RGS9: variants seen among roughly 807,000 people sequenced by gnomAD.
RGS9 encodes regulator of G protein signaling 9.
In RGS9, 78 loss-of-function variants were observed where a neutral mutation model predicts 102.0. The ratio of observed to expected loss-of-function variants is 0.76; its 90% CI spans 0.64 to 0.92. The LOEUF (loss-of-function observed/expected upper bound fraction) is 0.92, where lower values mean the gene tolerates loss of function less well. Ranked by LOEUF, RGS9 falls within the 40% of genes least tolerant of loss-of-function variation. The probability of loss-of-function intolerance (pLI) is 0.00; values close to 1 mark genes in which losing one functional copy is unlikely to be tolerated. For missense variants in RGS9, 833 were observed against 866.1 expected, an observed-to-expected ratio of 0.96 and a Z score of 0.48; for synonymous variants, 353 against 318.6, an observed-to-expected ratio of 1.11 and a Z score of -1.15.
chr17:65,184,984 C>T (rs1170016887), intron 9 of RGS9, among the ~76,000 whole-genome samples: 4 of 152,050 alleles, frequency 2.6e-5, no homozygotes, highest in Non-Finnish European at 5.9e-5. Context: ...ATCCTCTGTC[C>T]TCAGCCTCCA....
chr17:65,155,524 TTTTG>T lies in RGS9; in HGVS notation c.154+2018_154+2021del, dbSNP rs776232807. 1.1e-3 allele frequency among the ~76,000 whole-genome samples: 174 copies of T among 152,272 alleles called. 3 individuals are homozygous for T. The highest frequency in any genetic ancestry group is 9.3e-4 in the Non-Finnish European group (63 of 68,014). Reference sequence around the variant, plus strand: ...GGTCTCAGTTTACTTTCTCCATTGTTTTTGTTTGTTTGTTTTGTTTTGTTTGTTT... The same window carrying T: ...GGTCTCAGTTTACTTTCTCCATTGTTTTTGTTTGTTTTGTTTTGTTTGTTT... On this transcript the variant is annotated intron_variant, in intron 2 of 18. Coordinates refer to ENST00000262406, the MANE Select transcript of RGS9 (RefSeq NM_003835.4).
At chr17:65,225,751 T>C (rs1905641781) in intron 18 of RGS9, among the ~76,000 whole-genome samples, 1 of 152,238 alleles carries the variant, frequency 6.6e-6, no homozygotes, top group Non-Finnish European at 1.5e-5. Flanking sequence ...TCCCCTTATA[T>C]GTTCTTCCAC....
intron 9 of RGS9, among the ~76,000 whole-genome samples, chr17:65,181,737 C>T (rs891581106): frequency 6.6e-5 from 10 of 152,216 alleles, no homozygotes; most frequent in South Asian, 2.1e-4. Flanking sequence ...CTGCCACTTC[C>T]GGTCCATGTG....
intron 15 of RGS9, among the ~76,000 whole-genome samples, chr17:65,205,081 T>C (rs916273700): frequency 2.2e-4 from 34 of 152,162 alleles, no homozygotes; most frequent in African/African-American, 7.7e-4. Flanking sequence ...CTCTGGATTA[T>C]TAACAAAGTG....
chr17:65,177,135 A>T (rs1237680099), intron 8 of RGS9, among the ~76,000 whole-genome samples: 2 of 136,212 alleles, frequency 1.5e-5, no homozygotes, highest in East Asian at 4.7e-4. Flanking sequence ...GGTGCTGGGG[A>T]TGCCATTTAT....
In RGS9 at chr17:65,227,395, G is replaced by T. The variant is rs1905743227; in HGVS notation, c.2013G>T (p.Trp671Cys). Reference sequence around the variant, plus strand: ...CAGAAAAGGAGGTCATCTGCCCCTGGGAGAGCCTGTAAGGAAAGAGGCAGG... The same window carrying T: ...CAGAAAAGGAGGTCATCTGCCCCTGTGAGAGCCTGTAAGGAAAGAGGCAGG... Reference protein sequence around the residue: ...RATEKEVICPWESL With the variant: ...RATEKEVICPCESL Residue 671 changes from tryptophan to cysteine, a missense_variant, in exon 19 of 19, where the codon TGG (tryptophan) becomes TGT (cysteine). Trp to Cys is a radical substitution (Grantham distance 215, BLOSUM62 -2). Around this residue, in one of 3 missense-constraint regions of RGS9, gnomAD observed 320 missense variants for 276.8 expected, o/e 1.16. Coordinates refer to ENST00000262406, the MANE Select transcript of RGS9 (RefSeq NM_003835.4). 6.2e-7 allele frequency: 1 copy of T among 1,613,658 alleles called. No homozygotes were observed. The highest frequency in any genetic ancestry group is 1.3e-5 in the African/African-American group (1 of 74,924).
At chr17:65,140,016 G>T (rs421100) in intron 1 of RGS9, among the ~76,000 whole-genome samples, 130,080 of 152,000 alleles carry the variant, frequency 0.86, 58,512 homozygotes, top group Non-Finnish European at 0.99. Context: ...TGAAGTACAC[G>T]GTGTCCATGA....
intron 1 of RGS9, among the ~76,000 whole-genome samples, chr17:65,147,586 A>ATTTTTTT (rs1291313430): frequency 1.1e-5 from 1 of 94,902 alleles, no homozygotes; most frequent in African/African-American, 7.8e-5. Context: ...TCTTTTAAAA[A>ATTTTTTT]CTTTTTTTTT....
intron 1 of RGS9, among the ~76,000 whole-genome samples, chr17:65,140,376 G>A (rs1201486484): frequency 2.0e-5 from 3 of 152,198 alleles, no homozygotes; most frequent in Admixed American, 1.3e-4. Context: ...TACGCACAGA[G>A]GCATGGGAAA....
rs1381272807 is a variant in RGS9 at position 65,160,593 on chromosome 17, T to C, written c.364+6T>C. 2 of 1,614,078 alleles carry C rather than the reference T, an allele frequency of 1.2e-6. No individual in the cohort carries two copies. The highest frequency in any genetic ancestry group is 1.7e-5 in the Admixed American group (1 of 60,012). On this transcript the variant is annotated splice_donor_region_variant and intron_variant, in intron 5 of 18. Transcript: ENST00000262406. ...AGCTGAAGATACCGATTACGGTAAA[T>C]ACTTCAGCCCCAACTATGCCTTTGG...
chr17:65,152,630 A>G (rs1230032962), intron 1 of RGS9, among the ~76,000 whole-genome samples: 1 of 152,164 alleles, frequency 6.6e-6, no homozygotes, highest in African/African-American at 2.4e-5. Flanking sequence ...CCTGGGCTCA[A>G]GTGATCCTCC....
chr17:65,207,644 G>A (rs1281697149), intron 15 of RGS9, among the ~76,000 whole-genome samples: 6 of 152,158 alleles, frequency 3.9e-5, no homozygotes, highest in Non-Finnish European at 5.9e-5. Flanking sequence ...TGTAAAACCT[G>A]AGACTGTTCA....
intron 12 of RGS9, among the ~76,000 whole-genome samples, chr17:65,194,549 C>T (rs1243697163): frequency 1.3e-5 from 2 of 151,968 alleles, no homozygotes. Context: ...GCGGGCAGGG[C>T]CCTAAACCTG....
chr17:65,179,027 C>T (rs901465546), intron 9 of RGS9, among the ~76,000 whole-genome samples: 1 of 152,136 alleles, frequency 6.6e-6, no homozygotes, highest in African/African-American at 2.4e-5. Context: ...CCATCCTAGA[C>T]CCATTTAAAC....
At chr17:65,139,990 C>T (rs569091773) in intron 1 of RGS9, among the ~76,000 whole-genome samples, 38 of 152,304 alleles carry the variant, frequency 2.5e-4, no homozygotes, top group African/African-American at 8.4e-4. Context: ...ACTCATCACT[C>T]GTTCCATGCA....
chr17:65,207,377 G>A (rs1398329774), intron 15 of RGS9, among the ~76,000 whole-genome samples: 1 of 152,186 alleles, frequency 6.6e-6, no homozygotes, highest in Non-Finnish European at 1.5e-5. Flanking sequence ...GAATTACCTG[G>A]AGACTGTTCA....
intron 11 of RGS9, among the ~76,000 whole-genome samples, 189 bp downstream of exon 11, chr17:65,190,425 G>A (rs1912324538): frequency 6.6e-6 from 1 of 152,140 alleles, no homozygotes; most frequent in South Asian, 2.1e-4. Context: ...TCTCATCTTG[G>A]GTTATGCAAA....
At position 65,204,313 on chromosome 17, in the gene RGS9, C is replaced by A; in HGVS notation, c.1203+12C>A. 1 of 1,613,606 alleles carries A rather than the reference C, an allele frequency of 6.2e-7. No individual in the cohort carries two copies. Among genetic ancestry groups the A allele is most frequent in the East Asian group, 2.2e-5 (1 of 44,866 alleles). On this transcript the variant is annotated intron_variant, in intron 15 of 18. Transcript: ENST00000262406. ...TGCTCATGAAGAAGGTAGGTGGGTC[C>A]GTGCTGTGGATACGGGGTCCAGATA...
chr17:65,188,980 C>T (rs1276689970), intron 9 of RGS9: 1 of 450,180 alleles, frequency 2.2e-6, no homozygotes. Context: ...ACAGATCATT[C>T]TGTAGGCACT....
Sources: gnomAD v4.1 joint callset for allele counts (sites outside exome capture counted in the v4.1 genomes callset) on GRCh38, gnomAD v4.1.1 for gene constraint, gnomAD v4.1.1 regional missense constraint, MANE v1.5 for transcripts, NCBI Gene and HGNC (gene_info 2026-07-23, HGNC 2026-07-21) for gene names.